The following THBS1 variants were observed in gnomAD, a reference collection of about 807,000 sequenced individuals.
THBS1 encodes thrombospondin-1.
A neutral mutation model predicts 126.1 loss-of-function variants in THBS1; 29 were observed. That is an observed-to-expected ratio of 0.23 (90% CI 0.17 to 0.31). The LOEUF (loss-of-function observed/expected upper bound fraction) is 0.31. THBS1 is among the 10% of genes least tolerant of loss of function. The pLI, the probability that THBS1 is intolerant of heterozygous loss-of-function variation, is 1.00. For missense variants in THBS1, 1,198 were observed against 1,545.2 expected, an observed-to-expected ratio of 0.78 and a Z score of 3.77; for synonymous variants, 496 against 577.8, an observed-to-expected ratio of 0.86 and a Z score of 2.03.
In THBS1 at chr15:39,594,509, TA is replaced by T; in HGVS notation, c.3505+70del. The T allele has an allele frequency of 6.4e-7, 1 of 1,572,466 alleles. No individual in the cohort carries two copies. Among genetic ancestry groups the T allele is most frequent in the Non-Finnish European group, 8.6e-7 (1 of 1,160,762 alleles). On this transcript the variant is annotated intron_variant, in intron 21 of 21. Transcript: ENST00000260356. The surrounding 1 kb of genome is among the most constrained non-coding windows in gnomAD (Gnocchi z 4.4). ...TCAGACTAATATCAAGGATGACGGT[TA>T]TGGGGGAGTCCAGTGTAAAGACTGT...
rs539874413 is a variant in THBS1, at chr15:39,585,564, G to A, written c.1120+1G>A. On this transcript the variant is annotated splice_donor_variant, in intron 7 of 21. Transcript: ENST00000260356. LOFTEE classifies it high-confidence loss of function. ...GGAGAATGCTGTCCTCGCTGTTGGC[G>A]TAAGTTTCTCAAATGGCATAGCTAT... The A allele has an allele frequency of 5.6e-6, 9 of 1,613,532 alleles. No individual in the cohort carries two copies. Among genetic ancestry groups the A allele is most frequent in the Admixed American group, 5.0e-5 (3 of 60,028 alleles).
chr15:39,583,984 C>A lies in THBS1; in HGVS notation c.704-4C>A. 1 of 1,614,052 alleles carries A rather than the reference C, an allele frequency of 6.2e-7. No individual in the cohort carries two copies. The highest frequency in any genetic ancestry group is 8.5e-7 in the Non-Finnish European group (1 of 1,179,982). ...TTTGAAGTTTTCATTTTGTTTCTTG[C>A]CAGCTACCAGTGTCCTCCTCACCCT... On this transcript the variant is annotated splice_polypyrimidine_tract_variant and splice_region_variant and intron_variant, in intron 4 of 21. Coordinates refer to ENST00000260356, the MANE Select transcript of THBS1 (RefSeq NM_003246.4).
intron 3 of THBS1, 66 bp downstream of exon 3, chr15:39,582,818 GCTACAGGAAATCCTGT>G: frequency 1.3e-6 from 2 of 1,500,716 alleles, no homozygotes; most frequent in East Asian, 4.5e-5. Flanking sequence ...TGCCAGGAGG[GCTACAGGAAATCCTGT>G]CTGTAAACTA....
At position 39,588,158 on chromosome 15, in the gene THBS1, G is replaced by A; in HGVS notation, c.1411G>A (p.Gly471Arg). Residue 471 changes from glycine to arginine, a missense_variant, in exon 9 of 22, where the codon GGG becomes AGG. Physicochemically the swap from Gly to Arg is moderately radical, Grantham distance 125. Around this residue, in one of 4 missense-constraint regions of THBS1, gnomAD observed 663 missense variants for 860.1 expected, o/e 0.77. Transcript: ENST00000260356. ...LCNSPSPQMN[G>R]KPCEGEARET... ...CAACTCTCCCAGCCCCCAGATGAACGGGAAACCCTGTGAAGGCGAAGCGCG... is the reference window on the plus strand; with the variant it reads ...CAACTCTCCCAGCCCCCAGATGAACAGGAAACCCTGTGAAGGCGAAGCGCG... The A allele has an allele frequency of 1.2e-6, 2 of 1,614,156 alleles. No individual in the cohort carries two copies. Among genetic ancestry groups the A allele is most frequent in the Non-Finnish European group, 1.7e-6 (2 of 1,180,030 alleles).
intron 2 of THBS1, 90 bp downstream of exon 2, chr15:39,582,014 C>G (rs1176156798): frequency 6.3e-6 from 9 of 1,435,136 alleles, no homozygotes; most frequent in Non-Finnish European, 8.8e-6. Flanking sequence ...TGTCCTCTCC[C>G]TCTTGAGCCT....
At chr15:39,590,812 G>A (rs1890311918) in intron 14 of THBS1, 189 bp downstream of exon 14, 1 of 588,838 alleles carries the variant, frequency 1.7e-6, no homozygotes, top group African/African-American at 1.9e-5. Context: ...TTTTAAATGA[G>A]GGTTTTGTTT....
At position 39,582,709 on chromosome 15, in the gene THBS1, C is replaced by T. The variant is rs748164104; in HGVS notation, c.584C>T (p.Ala195Val). The T allele has an allele frequency of 2.0e-5, 33 of 1,613,196 alleles. No individual in the cohort carries two copies. The South Asian group carries it at 3.2e-4, about 16-fold the overall frequency. ...SVFTRDLASI[A>V]RLRIAKGGVN... ...TTCACCAGAGACCTGGCCAGCATCG[C>T]CAGACTCCGCATCGCAAAGGGGGGC... The change falls in exon 3 of 22, where the codon GCC (alanine) becomes GTC (valine). Residue 195 changes from alanine (A) to valine (V), a missense_variant. Ala to Val is a moderately conservative substitution (Grantham distance 64). Coordinates refer to ENST00000260356, the MANE Select transcript of THBS1 (RefSeq NM_003246.4).
chr15:39,591,440 T>C lies in THBS1; in HGVS notation c.2414-65T>C. On this transcript the variant is annotated intron_variant, in intron 15 of 21. Transcript: ENST00000260356. ...TTCTGTCTAGTCCTGGCTATTAGTA[T>C]GCACTTTGGTGGAAACATCCAAGGC... The C allele has an allele frequency of 3.7e-6, 6 of 1,609,066 alleles. No individual in the cohort carries two copies. The South Asian group carries it at 6.6e-5, about 18-fold the overall frequency.
chr15:39,585,162 T>C (rs531522323), intron 6 of THBS1, among the ~76,000 whole-genome samples: 18 of 152,336 alleles, frequency 1.2e-4, no homozygotes, highest in Admixed American at 3.9e-4. Flanking sequence ...ATTTCAGACA[T>C]AGATTTGACC....
Position 39,594,044 on chromosome 15 carries a change from G to A in THBS1, c.3268-55G>A, listed in dbSNP as rs1415711073. The A allele has an allele frequency of 3.9e-6, 6 of 1,530,272 alleles. No homozygotes were observed. Among genetic ancestry groups the A allele is most frequent in the Non-Finnish European group, 5.3e-6 (6 of 1,123,144 alleles). The allele number at this position is 1,530,272 out of a possible 1,614,324, so 94.8% of individuals were successfully genotyped here. ...GCATTGTTTCTGATGGAATGAAATA[G>A]AAATCTTTACCTGAAGGAGCTGTGT... On this transcript the variant is annotated intron_variant, in intron 19 of 21. Transcript: ENST00000260356. This position sits in a 1 kb window ranked among gnomAD's most constrained non-coding sequence, Gnocchi z 4.4.
intron 7 of THBS1, 33 bp downstream of exon 7, chr15:39,585,596 G>T (rs1566839386): frequency 5.6e-6 from 9 of 1,598,334 alleles, no homozygotes; most frequent in Non-Finnish European, 7.7e-6. Context: ...CTATTCTTCA[G>T]TGACTAGGTC....
In THBS1 at chr15:39,581,769, G is replaced by T. The variant is rs1199984044; in HGVS notation, c.-29-60G>T. 4.4e-6 allele frequency: 5 copies of T among 1,133,296 alleles called. No individual in the cohort carries two copies. In the African/African-American group the frequency reaches 4.6e-5, roughly 10 times the overall value. The allele number at this position is 1,133,296 out of a possible 1,614,324, so 70.2% of individuals were successfully genotyped here. On this transcript the variant is annotated intron_variant, in intron 1 of 21. Coordinates refer to ENST00000260356, the MANE Select transcript of THBS1 (RefSeq NM_003246.4). Reference sequence around the variant, plus strand: ...TCCCCATGCCCAGCCCCGTTTCTGCGCACCGTCCCTCCCTGCCTAGCTGAT... The same window carrying T: ...TCCCCATGCCCAGCCCCGTTTCTGCTCACCGTCCCTCCCTGCCTAGCTGAT...
chr15:39,589,825 C>T lies in THBS1; in HGVS notation c.1947C>T (p.Pro649=). 1 of 1,613,384 alleles carries T rather than the reference C, an allele frequency of 6.2e-7. No individual in the cohort carries two copies. The highest frequency in any genetic ancestry group is 2.2e-5 in the East Asian group (1 of 44,874). Residue 649 remains proline (P), a synonymous_variant, in exon 13 of 22, where the codon CCC becomes CCT. Coordinates refer to ENST00000260356, the MANE Select transcript of THBS1 (RefSeq NM_003246.4). This position sits in a 1 kb window ranked among gnomAD's most constrained non-coding sequence, Gnocchi z 4.7. The stretch of plus-strand genomic sequence containing the variant: ...CTCAGGTGTGCAAGCCCCGTAACCC[C>T]TGCACGGATGGGACCCACGACTGCA... ...ANKQVCKPRN[P]CTDGTHDCNK... is the part of the protein sequence containing the mutation.
rs201096369 is a variant in THBS1, at chr15:39,584,085, A to C, written c.801A>C (p.Gln267His). The change falls in exon 5 of 22, where the codon CAA (glutamine) becomes CAC (histidine). Residue 267 changes from glutamine to histidine, a missense_variant. Gln to His is a conservative substitution (Grantham distance 24, BLOSUM62 0). Transcript: ENST00000260356. ...TTGGCCACAAGACAAAGGACTTGCA[A>C]GCCATCTGCGGCATCTCCTGTGATG... Reference protein sequence around the residue: ...NYIGHKTKDLQAICGISCDEL... With the variant: ...NYIGHKTKDLHAICGISCDEL... 1 of 1,614,220 alleles carries C rather than the reference A, an allele frequency of 6.2e-7. No individual in the cohort carries two copies. Among genetic ancestry groups the C allele is most frequent in the Non-Finnish European group, 8.5e-7 (1 of 1,180,044 alleles).
chr15:39,581,746 C>A, intron 1 of THBS1, 83 bp from the exon 2 acceptor site: 2 of 810,040 alleles, frequency 2.5e-6, no homozygotes, highest in South Asian at 1.7e-5. Context: ...CGGCCCTGTC[C>A]CCATGCCCAG....
At position 39,593,096 on chromosome 15, in the gene THBS1, C is replaced by T; in HGVS notation, c.2864C>T (p.Thr955Ile). Residue 955 changes from threonine to isoleucine, a missense_variant, in exon 18 of 22, where the codon ACC (threonine) becomes ATC (isoleucine). Around this residue, in one of 4 missense-constraint regions of THBS1, gnomAD observed 255 missense variants for 373.9 expected, o/e 0.68. Coordinates refer to ENST00000260356, the MANE Select transcript of THBS1 (RefSeq NM_003246.4). This position sits in a 1 kb window ranked among gnomAD's most constrained non-coding sequence, Gnocchi z 5.9. ...ICPENVDISETDFRRFQMIPL... is the reference protein window; with the variant it reads ...ICPENVDISEIDFRRFQMIPL... ...CCTGAGAATGTTGACATCAGTGAGA[C>T]CGATTTCCGCCGATTCCAGATGATT... The T allele has an allele frequency of 1.3e-6, 2 of 1,595,832 alleles. No homozygotes were observed. The highest frequency in any genetic ancestry group is 1.3e-5 in the African/African-American group (1 of 74,462).
At chr15:39,583,835 G>T (rs1890157831) in intron 4 of THBS1, 143 bp downstream of exon 4, 2 of 1,186,302 alleles carry the variant, frequency 1.7e-6, no homozygotes, top group Non-Finnish European at 2.4e-6. Flanking sequence ...ACTCCAAGGG[G>T]TATTATACAC....
chr15:39,581,510 GTACTTCCC>G (rs1345793365), intron 1 of THBS1, among the ~76,000 whole-genome samples: 1 of 121,406 alleles, frequency 8.2e-6, no homozygotes, highest in Admixed American at 7.3e-5. Flanking sequence ...GGAAGAGTCT[GTACTTCCC>G]CTGCCCTCCC....
At position 39,582,471 on chromosome 15, in the gene THBS1, G is replaced by T. The variant is rs1022822302; in HGVS notation, c.346G>T (p.Val116Phe). 6.2e-6 allele frequency: 10 copies of T among 1,614,054 alleles called. No homozygotes were observed. Among genetic ancestry groups the T allele is most frequent in the Non-Finnish European group, 7.6e-6 (9 of 1,180,012 alleles). The change falls in exon 3 of 22, where the codon GTC becomes TTC. Residue 116 changes from valine to phenylalanine, a missense_variant. Coordinates refer to ENST00000260356, the MANE Select transcript of THBS1 (RefSeq NM_003246.4). The part of the protein sequence containing the change: ...ALERKDHSGQ[V>F]FSVVSNGKAG... ...GGAGCGGAAAGACCACTCTGGCCAGGTCTTCAGCGTGGTGTCCAATGGCAA... is the reference window on the plus strand; with the variant it reads ...GGAGCGGAAAGACCACTCTGGCCAGTTCTTCAGCGTGGTGTCCAATGGCAA...
Sources: allele counts gnomAD v4.1 joint callset (sites outside exome capture counted in the v4.1 genomes callset), GRCh38; gene constraint gnomAD v4.1.1; regional missense constraint gnomAD v4.1.1; non-coding constraint Gnocchi (gnomAD v3.1); transcripts MANE v1.5; gene names NCBI Gene and HGNC (gene_info 2026-07-23, HGNC 2026-07-21).